The following CMC2 variants were observed in gnomAD, a reference collection of about 807,000 sequenced individuals.
The protein encoded by CMC2 is C-X9-C motif containing 2.
A neutral mutation model predicts 7.5 loss-of-function variants in CMC2; 5 were observed. The observed-to-expected ratio is 0.66, with a 90% CI of 0.35 to 1.40. The LOEUF (loss-of-function observed/expected upper bound fraction) is 1.40, where lower values mean the gene tolerates loss of function less well. CMC2 is among the 40% of genes most tolerant of loss of function. CMC2 has a pLI of 0.04. For missense variants in CMC2, 115 were observed against 92.3 expected (o/e 1.25, Z -1.01); for synonymous variants, 37 against 31.4 (o/e 1.18, Z -0.60).
chr16:80,994,431 G>T (rs1405000395), intron 2 of CMC2, among the ~76,000 whole-genome samples: 1 of 5,762 alleles, frequency 1.7e-4, no homozygotes, highest in African/African-American at 2.3e-4. Flanking sequence ...CCTAAAGGAA[G>T]TAAAAAAAAA....
At chr16:80,987,775 G>T (rs556561558) in intron 2 of CMC2, among the ~76,000 whole-genome samples, 56 of 152,322 alleles carry the variant, frequency 3.7e-4, no homozygotes, top group African/African-American at 1.1e-3. Flanking sequence ...AGCACAGACA[G>T]GGGTATTCAG....
chr16:80,980,241 T>G (rs1869686077), intron 3 of CMC2, among the ~76,000 whole-genome samples: 1 of 152,138 alleles, frequency 6.6e-6, no homozygotes, highest in African/African-American at 2.4e-5. Context: ...TCACCCTAGG[T>G]GTATTTTTCA....
In CMC2 at chr16:80,987,519, T is replaced by G. The variant is rs945130866; in HGVS notation, c.82-5642A>C. 2.6e-5 allele frequency among the ~76,000 whole-genome samples: 4 copies of G among 152,350 alleles called. 1 individual carries two copies. In the South Asian group the frequency reaches 8.3e-4, roughly 32 times the overall value. ...GTAGCTTTGACGAAATAAGCTGTTC[T>G]AAATTCTGTATTTTACCTTCAGATG... On this transcript the variant is annotated intron_variant, in intron 2 of 3. Coordinates refer to ENST00000219400, the MANE Select transcript of CMC2 (RefSeq NM_020188.5).
intron 3 of CMC2, chr16:80,980,759 G>A (rs1967047843): frequency 2.9e-6 from 2 of 681,408 alleles, no homozygotes; most frequent in Admixed American, 2.2e-5. Context: ...ACCAGGCATG[G>A]TGGTACGCAC....
At chr16:80,991,823 G>C (rs925562195) in intron 2 of CMC2, 2 of 406,002 alleles carry the variant, frequency 4.9e-6, no homozygotes, top group African/African-American at 2.1e-5. Context: ...AATTCAAACA[G>C]AGGAGCATTC....
intron 3 of CMC2, chr16:80,981,027 A>T (rs1967070941): frequency 2.5e-6 from 1 of 407,842 alleles, no homozygotes; most frequent in Non-Finnish European, 4.4e-6. Flanking sequence ...CAAAATCAAA[A>T]GAAAGATGTT....
chr16:80,980,168 C>T (rs951725173), intron 3 of CMC2, among the ~76,000 whole-genome samples: 2 of 152,208 alleles, frequency 1.3e-5, no homozygotes, highest in African/African-American at 4.8e-5. Context: ...GATCCTCCTG[C>T]CTCAGCCTCC....
At chr16:80,998,736 T>C (rs184511350) in intron 1 of CMC2, 1 of 152,262 alleles carries the variant, frequency 6.6e-6, no homozygotes, top group African/African-American at 2.4e-5. Flanking sequence ...ATGGATGAAA[T>C]GTGAGGACAT....
At chr16:80,979,037 C>T (rs142688810) in intron 3 of CMC2, among the ~76,000 whole-genome samples, 83 of 151,526 alleles carry the variant, frequency 5.5e-4, no homozygotes, top group African/African-American at 1.8e-3. Context: ...GCTGAGATTG[C>T]GCCACTGCAC....
intron 2 of CMC2, among the ~76,000 whole-genome samples, chr16:80,993,339 A>T (rs1039830360): frequency 6.6e-6 from 1 of 152,210 alleles, no homozygotes; most frequent in Non-Finnish European, 1.5e-5. Context: ...TGTAGCAGAG[A>T]ACAGAACTCA....
intron 1 of CMC2, among the ~76,000 whole-genome samples, chr16:81,005,425 A>AATATATATAT (rs113325840): frequency 1.3e-5 from 2 of 149,360 alleles, no homozygotes; most frequent in Non-Finnish European, 3.0e-5. Context: ...ATAAAATTTA[A>AATATATATAT]ATATATATAT....
In CMC2 at chr16:80,971,599, C is replaced by CATATATATATATATATATATAT. The variant is rs947816734; in HGVS notation, c.*4493_*4494insATATATATATATATATATATAT. The stretch of plus-strand genomic sequence containing the variant: ...ATATATATATATGTATGAAATCATG[C>CATATATATATATATATATATAT]ATATATATATATGTATGAAATCATG... On this transcript the variant is annotated 3_prime_UTR_variant, in exon 4 of 4. Coordinates refer to ENST00000219400, the MANE Select transcript of CMC2 (RefSeq NM_020188.5). 4.7e-4 allele frequency: 53 copies of CATATATATATATATATATATAT among 113,224 alleles called. 2 individuals are homozygous for CATATATATATATATATATATAT. Among genetic ancestry groups the CATATATATATATATATATATAT allele is most frequent in the African/African-American group, 2.1e-3 (45 of 21,854 alleles). The allele number at this position is 113,224 out of a possible 1,614,324, so 7.0% of individuals were successfully genotyped here.
rs1050438292 is a variant in CMC2 at position 80,986,363 on chromosome 16, T to G, written c.82-4486A>C. On this transcript the variant is annotated intron_variant, in intron 2 of 3. Coordinates refer to ENST00000219400, the MANE Select transcript of CMC2 (RefSeq NM_020188.5). Reference sequence around the variant, plus strand: ...AAACTCTGCCTCAAAACTAACTAAATAAATAAATAAAATGCAGATTCCTAA... The same window carrying G: ...AAACTCTGCCTCAAAACTAACTAAAGAAATAAATAAAATGCAGATTCCTAA... Among the ~76,000 whole-genome samples, 12 of 148,634 alleles carry G rather than the reference T, an allele frequency of 8.1e-5. No individual in the cohort carries two copies. The South Asian group carries it at 2.6e-3, about 32-fold the overall frequency.
At chr16:80,988,623 A>G (rs1333610980) in intron 2 of CMC2, 1 of 701,096 alleles carries the variant, frequency 1.4e-6, no homozygotes, top group Non-Finnish European at 2.6e-6. Flanking sequence ...CTTAAATTTA[A>G]GTCTCCATAC....
Position 80,967,306 on chromosome 16 carries a change from T to C in CMC2, c.*8787A>G, listed in dbSNP as rs1911620455. 1 of 152,374 alleles carries C rather than the reference T, an allele frequency of 6.6e-6. No homozygotes were observed. The highest frequency in any genetic ancestry group is 1.5e-5 in the Non-Finnish European group (1 of 68,152). The allele number at this position is 152,374 out of a possible 1,614,324, so 9.4% of individuals were successfully genotyped here. A position where few individuals can be genotyped will look rare whatever the true frequency, so the allele number is the denominator to read the frequency against. On this transcript the variant is annotated 3_prime_UTR_variant, in exon 4 of 4. Coordinates refer to ENST00000219400, the MANE Select transcript of CMC2 (RefSeq NM_020188.5). ...TCCCTAGAGAATTTTCCTTTAATTGTATCTGCTTTGAAAAGATATCCTCGT... is the reference window on the plus strand; with the variant it reads ...TCCCTAGAGAATTTTCCTTTAATTGCATCTGCTTTGAAAAGATATCCTCGT...
chr16:80,995,848 T>C (rs567094118), intron 2 of CMC2, among the ~76,000 whole-genome samples: 2 of 152,264 alleles, frequency 1.3e-5, no homozygotes, highest in East Asian at 3.9e-4. Flanking sequence ...GGTGGTTGCA[T>C]GGGTATCTAT....
chr16:81,005,032 T>G (rs918180110), intron 1 of CMC2, among the ~76,000 whole-genome samples: 5 of 152,242 alleles, frequency 3.3e-5, no homozygotes, highest in African/African-American at 1.2e-4. Flanking sequence ...TTTCTAATGC[T>G]ACTGCAAAAT....
At chr16:81,000,457 C>A (rs867879134) in intron 1 of CMC2, among the ~76,000 whole-genome samples, 1 of 152,110 alleles carries the variant, frequency 6.6e-6, no homozygotes, top group Non-Finnish European at 1.5e-5. Flanking sequence ...GATGGCGCCA[C>A]TGCACTCCAG....
In CMC2 at chr16:81,006,828, G is replaced by C. The variant is rs554174745; in HGVS notation, c.-130C>G. On this transcript the variant is annotated 5_prime_UTR_variant, in exon 1 of 4. Coordinates refer to ENST00000219400, the MANE Select transcript of CMC2 (RefSeq NM_020188.5). ...CTGCTAGGGAGCAGACAGCTGAACC[G>C]CTTGCCAGACGCCGAAACCCAGTGA... 2.5e-5 allele frequency: 25 copies of C among 985,448 alleles called. No homozygotes were observed. The highest frequency in any genetic ancestry group is 3.0e-5 in the Non-Finnish European group (25 of 830,062). The allele number at this position is 985,448 out of a possible 1,614,324, so 61.0% of individuals were successfully genotyped here.
Sources: gnomAD v4.1 joint callset for allele counts (sites outside exome capture counted in the v4.1 genomes callset) on GRCh38, gnomAD v4.1.1 for gene constraint, MANE v1.5 for transcripts, NCBI Gene and HGNC (gene_info 2026-07-23, HGNC 2026-07-21) for gene names.